Variants in SENP5 observed in about 807,000 individuals in gnomAD.
SENP5 encodes SUMO specific peptidase 5.
A neutral mutation model predicts 74.2 loss-of-function variants in SENP5; 21 were observed. The observed-to-expected ratio is 0.28, with a 90% CI of 0.20 to 0.41. The LOEUF is 0.41. Ranked by LOEUF, SENP5 falls within the 10% of genes least tolerant of loss-of-function variation. The probability of loss-of-function intolerance (pLI) is 1.00; values close to 1 mark genes in which losing one functional copy is unlikely to be tolerated. For synonymous variants in SENP5, 311 were observed against 312.7 expected, an observed-to-expected ratio of 0.99 and a Z score of 0.06; for missense variants, 717 against 889.1, an observed-to-expected ratio of 0.81 and a Z score of 2.46.
At chr3:196,905,974 C>A (rs1348339749) in intron 6 of SENP5, among the ~76,000 whole-genome samples, 2 of 152,176 alleles carry the variant, frequency 1.3e-5, no homozygotes, top group African/African-American at 4.8e-5. Context: ...AATCCCAGCA[C>A]TTTGGAAGTC....
chr3:196,899,733 A>G lies in SENP5; in HGVS notation c.1581A>G (p.Gly527=). ...CACTCAGTGAAAAAGAAGTCCTTGG[A>G]AGATTAAAAGATGTCTTTAATGAAG... ...LVPLSEKEVL[G]RLKDVFNEDF... Residue 527 remains glycine, a synonymous_variant, in exon 3 of 10, where the codon GGA becomes GGG. Transcript: ENST00000323460. 1 of 1,608,216 alleles carries G rather than the reference A, an allele frequency of 6.2e-7. No homozygotes were observed. The highest frequency in any genetic ancestry group is 8.5e-7 in the Non-Finnish European group (1 of 1,174,802).
chr3:196,888,342 G>A (rs2108820788), intron 2 of SENP5, among the ~76,000 whole-genome samples: 1 of 152,178 alleles, frequency 6.6e-6, no homozygotes, highest in South Asian at 2.1e-4. Flanking sequence ...CAACACTTTG[G>A]GAGGCCGAGG....
intron 6 of SENP5, chr3:196,914,584 A>ATATATATATAT (rs1242643022): frequency 1.0e-4 from 6 of 59,404 alleles, no homozygotes; most frequent in African/African-American, 4.0e-4. Context: ...AAAAAAAAAA[A>ATATATATATAT]AAATATATAT....
chr3:196,923,639 C>A, intron 7 of SENP5, 88 bp downstream of exon 7: 1 of 860,000 alleles, frequency 1.2e-6, no homozygotes, highest in Non-Finnish European at 1.8e-6. Context: ...GCAGTCAAAA[C>A]CATATAGGAA....
chr3:196,876,642 C>T (rs2108807186), intron 1 of SENP5, among the ~76,000 whole-genome samples: 1 of 151,172 alleles, frequency 6.6e-6, no homozygotes, highest in East Asian at 1.9e-4. Flanking sequence ...ATAATCTCAG[C>T]TCTTTCGGTG....
chr3:196,877,323 A>C (rs1713520881), intron 1 of SENP5, among the ~76,000 whole-genome samples: 1 of 152,042 alleles, frequency 6.6e-6, no homozygotes. Context: ...GCTGGCCATT[A>C]CTGGTGCCCA....
intron 1 of SENP5, among the ~76,000 whole-genome samples, chr3:196,873,742 A>G (rs549177874): frequency 1.3e-5 from 2 of 152,268 alleles, no homozygotes; most frequent in South Asian, 4.1e-4. Context: ...CGGGAGGCTG[A>G]GGCAGGAGAA....
At position 196,886,601 on chromosome 3, in the gene SENP5, A is replaced by G. The variant is rs922139278; in HGVS notation, c.1420A>G (p.Ser474Gly). 2 of 1,612,788 alleles carry G rather than the reference A, an allele frequency of 1.2e-6. No individual in the cohort carries two copies. Among genetic ancestry groups the G allele is most frequent in the Admixed American group, 1.7e-5 (1 of 59,600 alleles). Residue 474 changes from serine to glycine, a missense_variant, in exon 2 of 10, where the codon AGT becomes GGT. Ser to Gly is a moderately conservative substitution (Grantham distance 56). Transcript: ENST00000323460. ...TCCACTGGAGGCTCCCTTGGTGTGC[A>G]GTGGACTCAAACTAGAAAATCAAGT... ...KSPLEAPLVC[S>G]GLKLENQVGG...
At chr3:196,928,427 T>C (rs1036469469) in intron 8 of SENP5, among the ~76,000 whole-genome samples, 9 of 152,238 alleles carry the variant, frequency 5.9e-5, no homozygotes, top group African/African-American at 2.2e-4. Flanking sequence ...TCATTGATGG[T>C]GGGCTGTGTT....
intron 1 of SENP5, among the ~76,000 whole-genome samples, chr3:196,876,942 A>G (rs958032570): frequency 1.3e-5 from 2 of 152,166 alleles, no homozygotes; most frequent in Non-Finnish European, 1.5e-5. Context: ...TATTTACCGT[A>G]TATACTTGTT....
In SENP5 at chr3:196,929,768, G is replaced by T. The variant is rs573496245; in HGVS notation, c.2157+85G>T. 8.5e-5 allele frequency: 76 copies of T among 894,708 alleles called. 2 individuals carry two copies. The highest frequency in any genetic ancestry group is 8.0e-4 in the South Asian group (59 of 73,702). The allele number at this position is 894,708 out of a possible 1,614,324, so 55.4% of individuals were successfully genotyped here. ...AGGGGAGAGATGGCAGTTCCTGTAT[G>T]TGTATATGATGCTAGGTACGAGCAA... is the stretch of plus-strand genomic sequence containing the variant. On this transcript the variant is annotated intron_variant, in intron 9 of 9. Coordinates refer to ENST00000323460, the MANE Select transcript of SENP5 (RefSeq NM_152699.5).
intron 1 of SENP5, among the ~76,000 whole-genome samples, chr3:196,874,676 T>G (rs1713375358): frequency 6.6e-6 from 1 of 151,938 alleles, no homozygotes; most frequent in Non-Finnish European, 1.5e-5. Flanking sequence ...AGGTCAGAGG[T>G]CGAGACCAGC....
rs373158691 is a variant in SENP5 at position 196,885,245 on chromosome 3, A to G, written c.64A>G (p.Asn22Asp). The change falls in exon 2 of 10, where the codon AAT becomes GAT. Residue 22 changes from asparagine (N) to aspartate (D), a missense_variant. Asn to Asp is a conservative substitution (Grantham distance 23). Around this residue, in one of 4 missense-constraint regions of SENP5, gnomAD observed 567 missense variants for 577.4 expected, o/e 0.98. Transcript: ENST00000323460. ...GIHLAFSEKW[N>D]TGFGGFKKFY... ...CCACTTAGCCTTTTCTGAGAAATGGAATACTGGGTTTGGAGGCTTTAAGAA... is the reference window on the plus strand; with the variant it reads ...CCACTTAGCCTTTTCTGAGAAATGGGATACTGGGTTTGGAGGCTTTAAGAA... 1 of 1,613,954 alleles carries G rather than the reference A, an allele frequency of 6.2e-7. No individual in the cohort carries two copies. Among genetic ancestry groups the G allele is most frequent in the African/African-American group, 1.3e-5 (1 of 74,906 alleles).
At chr3:196,912,321 A>G (rs1715166829) in intron 6 of SENP5, among the ~76,000 whole-genome samples, 1 of 152,210 alleles carries the variant, frequency 6.6e-6, no homozygotes, top group African/African-American at 2.4e-5. Flanking sequence ...TAACAGAGGA[A>G]CAGAAAACCA....
rs555367686 is a variant in SENP5, at chr3:196,912,301, C to T, written c.1884+8691C>T. Among the ~76,000 whole-genome samples the T allele has an allele frequency of 3.9e-5, 6 of 152,218 alleles. No individual in the cohort carries two copies. In the South Asian group the frequency reaches 8.3e-4, roughly 21 times the overall value. ...AAGGATGAAGCTGGAAGCCATCATC[C>T]TCAGCAAACTAACAGAGGAACAGAA... On this transcript the variant is annotated intron_variant, in intron 6 of 9. Transcript: ENST00000323460.
intron 1 of SENP5, among the ~76,000 whole-genome samples, chr3:196,874,607 C>G (rs1455679884): frequency 6.6e-6 from 1 of 151,926 alleles, no homozygotes; most frequent in African/African-American, 2.4e-5. Flanking sequence ...TCCTGGAGTT[C>G]CAGCTGGGCA....
At position 196,885,604 on chromosome 3, in the gene SENP5, T is replaced by C. The variant is rs756121704; in HGVS notation, c.423T>C (p.Thr141=). 23 of 1,614,226 alleles carry C rather than the reference T, an allele frequency of 1.4e-5. No homozygotes were observed. The highest frequency in any genetic ancestry group is 1.9e-5 in the Non-Finnish European group (23 of 1,180,056). Residue 141 remains threonine, a synonymous_variant, in exon 2 of 10, where the codon ACT becomes ACC. Coordinates refer to ENST00000323460, the MANE Select transcript of SENP5 (RefSeq NM_152699.5). ...CREKNLLKAV[T]DFPSNSALGQ... is the part of the protein sequence containing the mutation. ...AGAAAAATCTCTTGAAGGCAGTTACTGACTTTCCATCAAATAGTGCTTTAG... is the reference window on the plus strand; with the variant it reads ...AGAAAAATCTCTTGAAGGCAGTTACCGACTTTCCATCAAATAGTGCTTTAG...
chr3:196,886,284 G>C lies in SENP5; in HGVS notation c.1103G>C (p.Cys368Ser), dbSNP rs1713969800. Reference sequence around the variant, plus strand: ...TCCTGTTCTTCTCCTAAGTGGGAGTGTACAGAGCTGATTCATGACATCCCC... The same window carrying C: ...TCCTGTTCTTCTCCTAAGTGGGAGTCTACAGAGCTGATTCATGACATCCCC... ...QSSCSSPKWE[C>S]TELIHDIPLP... The change falls in exon 2 of 10, where the codon TGT (cysteine) becomes TCT (serine). Residue 368 changes from cysteine (C) to serine (S), a missense_variant. By Grantham distance (112) the Cys-to-Ser change is moderately radical. Around this residue, in one of 4 missense-constraint regions of SENP5, gnomAD observed 567 missense variants for 577.4 expected, o/e 0.98. Transcript: ENST00000323460. 6.2e-7 allele frequency: 1 copy of C among 1,614,006 alleles called. No individual in the cohort carries two copies. The highest frequency in any genetic ancestry group is 1.1e-5 in the South Asian group (1 of 91,074).
rs555446859 is a variant in SENP5 at position 196,918,870 on chromosome 3, A to C, written c.1885-4544A>C. On this transcript the variant is annotated intron_variant, in intron 6 of 9. Coordinates refer to ENST00000323460, the MANE Select transcript of SENP5 (RefSeq NM_152699.5). ...GCCAAAAAAAGAGAGCAGAGTAGCT[A>C]TACTTAATGTCAGGTAAAATAGGTA... is the stretch of plus-strand genomic sequence containing the variant. 2.0e-5 allele frequency among the ~76,000 whole-genome samples: 3 copies of C among 152,328 alleles called. No individual in the cohort carries two copies. The South Asian group carries it at 6.2e-4, about 32-fold the overall frequency.
Sources: gnomAD v4.1 joint callset for allele counts (sites outside exome capture counted in the v4.1 genomes callset) on GRCh38, gnomAD v4.1.1 for gene constraint, gnomAD v4.1.1 regional missense constraint, MANE v1.5 for transcripts, NCBI Gene and HGNC (gene_info 2026-07-23, HGNC 2026-07-21) for gene names.